Variants in SMURF2 observed in about 807,000 individuals in gnomAD.
SMURF2 encodes SMAD specific E3 ubiquitin protein ligase 2, also known as E3 ubiquitin-protein ligase SMURF2.
In SMURF2, 48 loss-of-function variants were observed where a neutral mutation model predicts 109.6. That is an observed-to-expected ratio of 0.44 (90% confidence interval 0.35 to 0.56). SMURF2 has a LOEUF of 0.56. Ranked by LOEUF, SMURF2 falls within the 20% of genes least tolerant of loss-of-function variation. SMURF2 has a pLI of 0.01. For missense variants in SMURF2, 575 were observed against 909.0 expected, an observed-to-expected ratio of 0.63 and a Z score of 4.72; for synonymous variants, 288 against 317.1, an observed-to-expected ratio of 0.91 and a Z score of 0.97.
At chr17:64,586,871 A>G (rs1555687150) in intron 5 of SMURF2, among the ~76,000 whole-genome samples, 1 of 150,172 alleles carries the variant, frequency 6.7e-6, no homozygotes, top group East Asian at 2.0e-4. Flanking sequence ...CTGACCATCT[A>G]AAAAATACAC....
In SMURF2 at chr17:64,562,905, T is replaced by C. The variant is rs1339401322; in HGVS notation, c.1078A>G (p.Thr360Ala). 1.2e-6 allele frequency: 2 copies of C among 1,614,206 alleles called. No individual in the cohort carries two copies. Among genetic ancestry groups the C allele is most frequent in the Admixed American group, 3.3e-5 (2 of 60,030 alleles). ...TACCTTGGGACTGTCAGGCATTCTG[T>C]GTCATCAGGACATAACGATACCACT... Reference protein sequence around the residue: ...QQVVSLCPDDTECLTVPRYKR... With the variant: ...QQVVSLCPDDAECLTVPRYKR... Residue 360 changes from threonine (T) to alanine (A), a missense_variant, in exon 11 of 19, where the codon ACA becomes GCA. Physicochemically the swap from Thr to Ala is moderately conservative, Grantham distance 58. Around this residue, in one of 5 missense-constraint regions of SMURF2, gnomAD observed 361 missense variants for 612.1 expected, o/e 0.59. Transcript: ENST00000262435.
At chr17:64,577,586 T>TAA (rs530564573) in intron 9 of SMURF2, among the ~76,000 whole-genome samples, 37 of 132,338 alleles carry the variant, frequency 2.8e-4, no homozygotes, top group African/African-American at 9.8e-4. Context: ...AATAAAACAC[T>TAA]AAAAAAAAAA....
chr17:64,579,371 T>C (rs1969547372), intron 8 of SMURF2, among the ~76,000 whole-genome samples: 1 of 152,060 alleles, frequency 6.6e-6, no homozygotes, highest in African/African-American at 2.4e-5. Flanking sequence ...CTATTACTAA[T>C]ATTTATTAGT....
intron 1 of SMURF2, among the ~76,000 whole-genome samples, chr17:64,634,549 T>C (rs1346531086): frequency 1.3e-5 from 2 of 152,194 alleles, no homozygotes; most frequent in South Asian, 2.1e-4. Context: ...ATGCAAGGAA[T>C]TGGTATCCGC....
At chr17:64,636,275 A>C (rs1177783099) in intron 1 of SMURF2, among the ~76,000 whole-genome samples, 1 of 152,008 alleles carries the variant, frequency 6.6e-6, no homozygotes, top group Non-Finnish European at 1.5e-5. Flanking sequence ...CCATTTTTTA[A>C]CTGGATTGTT....
chr17:64,649,048 A>G (rs1555693240), intron 1 of SMURF2, among the ~76,000 whole-genome samples: 1 of 152,184 alleles, frequency 6.6e-6, no homozygotes, highest in East Asian at 1.9e-4. Context: ...GCCTGATGAC[A>G]CAAAAATCAC....
At chr17:64,635,486 G>T (rs1008790620) in intron 1 of SMURF2, among the ~76,000 whole-genome samples, 1 of 151,630 alleles carries the variant, frequency 6.6e-6, no homozygotes, top group Admixed American at 6.6e-5. Context: ...CATACTACCT[G>T]TTAGCAGTCA....
At position 64,584,115 on chromosome 17, in the gene SMURF2, C is replaced by T. The variant is rs567727743; in HGVS notation, c.486-571G>A. On this transcript the variant is annotated intron_variant, in intron 6 of 18. Coordinates refer to ENST00000262435, the MANE Select transcript of SMURF2 (RefSeq NM_022739.4). ...GGCAGATCACCTGAGGTTAGGAGTT[C>T]AAGACCAGGCTGGCCAACATGGTGA... Among the ~76,000 whole-genome samples the T allele has an allele frequency of 1.8e-4, 28 of 151,894 alleles. 1 individual carries two copies. The highest frequency in any genetic ancestry group is 5.8e-4 in the African/African-American group (24 of 41,454).
intron 2 of SMURF2, among the ~76,000 whole-genome samples, chr17:64,601,531 CA>C (rs1194494493): frequency 6.6e-6 from 1 of 151,956 alleles, no homozygotes; most frequent in African/African-American, 2.4e-5. Context: ...TGGCCATAAT[CA>C]AAAAATTTAA....
At chr17:64,626,927 T>C (rs1555691218) in intron 1 of SMURF2, among the ~76,000 whole-genome samples, 1 of 143,990 alleles carries the variant, frequency 6.9e-6, no homozygotes, top group Non-Finnish European at 1.5e-5. Context: ...ATGCACGTAT[T>C]CCCCTAAAAA....
At chr17:64,657,706 G>A (rs572143296) in intron 1 of SMURF2, among the ~76,000 whole-genome samples, 1 of 150,582 alleles carries the variant, frequency 6.6e-6, no homozygotes, top group East Asian at 1.9e-4. Flanking sequence ...GCAACAGAAT[G>A]AGATTCTGCC....
At chr17:64,659,606 G>A (rs956261156) in intron 1 of SMURF2, among the ~76,000 whole-genome samples, 15 of 150,522 alleles carry the variant, frequency 1.0e-4, no homozygotes, top group African/African-American at 3.7e-4. Context: ...TTGGGCACCA[G>A]CTCCAGACCA....
chr17:64,662,155 C>T lies in SMURF2; in HGVS notation c.-275G>A, dbSNP rs986264059. On this transcript the variant is annotated 5_prime_UTR_variant, in exon 1 of 19. Transcript: ENST00000262435. ...CGCGCCGCCTCCGCCCGCGCCCCCGCCGCCTCCTCGCGGCCGCCGAGGCCT... is the reference window on the plus strand; with the variant it reads ...CGCGCCGCCTCCGCCCGCGCCCCCGTCGCCTCCTCGCGGCCGCCGAGGCCT... The T allele has an allele frequency of 7.7e-6, 8 of 1,034,762 alleles. No homozygotes were observed. Among genetic ancestry groups the T allele is most frequent in the African/African-American group, 5.2e-5 (3 of 57,950 alleles). The allele number at this position is 1,034,762 out of a possible 1,614,324, so 64.1% of individuals were successfully genotyped here. A position where few individuals can be genotyped will look rare whatever the true frequency, so the allele number is the denominator to read the frequency against.
Position 64,586,454 on chromosome 17 carries a change from TAAG to T in SMURF2, c.401-287_401-285del, listed in dbSNP as rs782193650. Among the ~76,000 whole-genome samples, 39 of 152,198 alleles carry T rather than the reference TAAG, an allele frequency of 2.6e-4. No individual in the cohort carries two copies. The East Asian group carries it at 7.1e-3, about 28-fold the overall frequency. The stretch of plus-strand genomic sequence containing the variant: ...TAGCAGAGTCACTACTGTACTTAAT[TAAG>T]AAGAGGCATAGCTGGGCGCGGTGGC... On this transcript the variant is annotated intron_variant, in intron 5 of 18. Coordinates refer to ENST00000262435, the MANE Select transcript of SMURF2 (RefSeq NM_022739.4).
intron 2 of SMURF2, among the ~76,000 whole-genome samples, chr17:64,604,644 G>A: frequency 6.6e-6 from 1 of 152,158 alleles, no homozygotes; most frequent in South Asian, 2.1e-4. Context: ...TGCAGAAGCA[G>A]CTGTAAGAGT....
At position 64,649,612 on chromosome 17, in the gene SMURF2, C is replaced by T. The variant is rs183832990; in HGVS notation, c.52+12217G>A. On this transcript the variant is annotated intron_variant, in intron 1 of 18. Transcript: ENST00000262435. ...ATCCCAGCACTTTGGGAGGCTGCAA[C>T]GGGCGTATCACTTAAGATAAGGAGT... Among the ~76,000 whole-genome samples the T allele has an allele frequency of 4.3e-3, 650 of 150,266 alleles. 3 individuals are homozygous for T. Among genetic ancestry groups the T allele is most frequent in the Admixed American group, 7.4e-3 (108 of 14,652 alleles).
intron 1 of SMURF2, among the ~76,000 whole-genome samples, chr17:64,614,706 G>C (rs1433766778): frequency 3.3e-5 from 5 of 152,150 alleles, no homozygotes; most frequent in Non-Finnish European, 5.9e-5. Flanking sequence ...GAGATACTTA[G>C]GGAGAAAGGA....
chr17:64,654,111 T>G (rs1970674697), intron 1 of SMURF2, among the ~76,000 whole-genome samples: 1 of 152,156 alleles, frequency 6.6e-6, no homozygotes, highest in African/African-American at 2.4e-5. Flanking sequence ...GAGAAAATGT[T>G]TTGGGAAGAA....
intron 1 of SMURF2, among the ~76,000 whole-genome samples, chr17:64,657,200 A>G (rs1403350442): frequency 6.6e-6 from 1 of 152,186 alleles, no homozygotes; most frequent in Non-Finnish European, 1.5e-5. Flanking sequence ...AGAGTCATAG[A>G]GGACAGTTCA....
Sources: allele counts gnomAD v4.1 joint callset (sites outside exome capture counted in the v4.1 genomes callset), GRCh38; gene constraint gnomAD v4.1.1; regional missense constraint gnomAD v4.1.1; transcripts MANE v1.5; gene names NCBI Gene and HGNC (gene_info 2026-07-23, HGNC 2026-07-21).